RAPH1: variants seen among roughly 807,000 people sequenced by gnomAD.
RAPH1 encodes the protein ras-associated and pleckstrin homology domains-containing protein 1.
A neutral mutation model predicts 88.1 loss-of-function variants in RAPH1; 18 were observed. That is an observed-to-expected ratio of 0.20 (90% CI 0.14 to 0.30). The LOEUF (loss-of-function observed/expected upper bound fraction) is 0.30, where lower values mean the gene tolerates loss of function less well. Among genes scored for constraint, RAPH1 ranks in the 10% least tolerant of loss-of-function variants. The pLI, the probability that RAPH1 is intolerant of heterozygous loss-of-function variation, is 1.00. For synonymous variants in RAPH1, 587 were observed against 559.0 expected (o/e 1.05, Z -0.71); for missense variants, 1,448 against 1,543.2 (o/e 0.94, Z 1.03).
At chr2:203,507,633 A>G (rs904615909) in intron 1 of RAPH1, among the ~76,000 whole-genome samples, 1 of 152,210 alleles carries the variant, frequency 6.6e-6, no homozygotes, top group African/African-American at 2.4e-5. Flanking sequence ...ATTTTACAAA[A>G]TAATTGGCCA....
intron 1 of RAPH1, among the ~76,000 whole-genome samples, chr2:203,517,441 T>C (rs1689668504): frequency 6.9e-6 from 1 of 145,506 alleles, no homozygotes; most frequent in Non-Finnish European, 1.5e-5. Flanking sequence ...TACCTCTCTA[T>C]CAGAAATGGG....
chr2:203,435,165 TG>T lies in RAPH1; in HGVS notation c.*4271del, dbSNP rs1283071536. The T allele has an allele frequency of 2.0e-5, 3 of 152,286 alleles. No individual in the cohort carries two copies. In the East Asian group the frequency reaches 5.8e-4, roughly 29 times the overall value. The allele number at this position is 152,286 out of a possible 1,614,324, so 9.4% of individuals were successfully genotyped here. A position where few individuals can be genotyped will look rare whatever the true frequency, so the allele number is the denominator to read the frequency against. ...TCAGATTTCTTTTACATATAGACCT[TG>T]CAAGGGCACGGTAAGAACTGAGCAC... On this transcript the variant is annotated 3_prime_UTR_variant, in exon 14 of 14. Transcript: ENST00000319170.
Position 203,525,345 on chromosome 2 carries a change from C to CT in RAPH1, c.-1+9765_-1+9766insA, listed in dbSNP as rs377709700. On this transcript the variant is annotated intron_variant, in intron 1 of 13. Coordinates refer to ENST00000319170, the MANE Select transcript of RAPH1 (RefSeq NM_213589.3). The stretch of plus-strand genomic sequence containing the variant: ...GGATTACAGGCGCCCACCACCATGC[C>CT]AATTTTTGTATTTTTAGTAGAGATG... Among the ~76,000 whole-genome samples the CT allele has an allele frequency of 7.6e-4, 115 of 152,124 alleles. 1 individual carries two copies. The highest frequency in any genetic ancestry group is 3.4e-3 in the Middle Eastern group (1 of 294).
chr2:203,522,214 T>C (rs1216016851), intron 1 of RAPH1, among the ~76,000 whole-genome samples: 5 of 152,226 alleles, frequency 3.3e-5, no homozygotes, highest in African/African-American at 1.2e-4. Context: ...TTTCTAGCAT[T>C]GTCACATCAG....
Position 203,447,996 on chromosome 2 carries a change from G to A in RAPH1, c.1596C>T (p.Ser532=). ...AAGAACTGGATCCCGATTTAATGCT[G>A]GAGCTGGATAAGGAAGTCCAATCAT... ...SAYDWTSLSS[S]SIKSGSSSSS... Residue 532 remains serine (S), a synonymous_variant, in exon 12 of 14, where the codon TCC becomes TCT. Transcript: ENST00000319170. 13 of 1,613,922 alleles carry A rather than the reference G, an allele frequency of 8.1e-6. No individual in the cohort carries two copies. Among genetic ancestry groups the A allele is most frequent in the Non-Finnish European group, 1.1e-5 (13 of 1,179,884 alleles).
chr2:203,533,084 T>C (rs979922171), intron 1 of RAPH1, among the ~76,000 whole-genome samples: 1 of 152,084 alleles, frequency 6.6e-6, no homozygotes, highest in African/African-American at 2.4e-5. Context: ...TCAAAGACAA[T>C]GGTTAAAAAC....
At chr2:203,496,124 G>A (rs567691094) in intron 1 of RAPH1, among the ~76,000 whole-genome samples, 8 of 152,322 alleles carry the variant, frequency 5.3e-5, no homozygotes, top group African/African-American at 1.2e-4. Context: ...TTGGGAGGCC[G>A]AGGCGGGTGG....
intron 5 of RAPH1, 117 bp from the exon 6 acceptor site, chr2:203,461,525 A>T (rs1313357734): frequency 4.1e-6 from 3 of 736,274 alleles, no homozygotes; most frequent in Non-Finnish European, 6.0e-6. Context: ...TTAAAACACA[A>T]ATAATGACTT....
intron 1 of RAPH1, among the ~76,000 whole-genome samples, chr2:203,519,175 C>T (rs1041599481): frequency 6.6e-6 from 1 of 150,462 alleles, no homozygotes; most frequent in African/African-American, 2.5e-5. Flanking sequence ...AATACCAAAA[C>T]CAGAGAAAGA....
chr2:203,501,454 C>T (rs1029126157), intron 1 of RAPH1, among the ~76,000 whole-genome samples: 4 of 151,930 alleles, frequency 2.6e-5, no homozygotes, highest in African/African-American at 7.3e-5. Context: ...TTTAATAAAC[C>T]GTCTGGGAAG....
chr2:203,506,798 A>C lies in RAPH1; in HGVS notation c.1-11445T>G, dbSNP rs1192949253. Among the ~76,000 whole-genome samples the C allele has an allele frequency of 5.1e-4, 34 of 67,316 alleles. No homozygotes were observed. The South Asian group carries it at 9.4e-3, about 19-fold the overall frequency. 44.2% of individuals were successfully genotyped at this position (67,316 alleles called of 152,430 possible). Reference sequence around the variant, plus strand: ...TATATATCTAGATATATATATCTATATATATATCTATATCTATATATCTAT... The same window carrying C: ...TATATATCTAGATATATATATCTATCTATATATCTATATCTATATATCTAT... On this transcript the variant is annotated intron_variant, in intron 1 of 13. Transcript: ENST00000319170.
At chr2:203,534,456 G>T (rs1209887041) in intron 1 of RAPH1, among the ~76,000 whole-genome samples, 1 of 137,530 alleles carries the variant, frequency 7.3e-6, no homozygotes, top group Admixed American at 8.4e-5. Flanking sequence ...CTTTCAACCT[G>T]TCTTAACACG....
intron 1 of RAPH1, among the ~76,000 whole-genome samples, chr2:203,510,335 CAAAAA>C (rs33911103): frequency 5.3e-5 from 2 of 38,094 alleles, no homozygotes; most frequent in Admixed American, 4.2e-4. Context: ...AACTCCATCT[CAAAAA>C]AAAAAAAAAA....
intron 1 of RAPH1, among the ~76,000 whole-genome samples, chr2:203,516,438 T>C (rs1302914003): frequency 1.3e-5 from 2 of 152,262 alleles, no homozygotes; most frequent in Non-Finnish European, 2.9e-5. Flanking sequence ...ATCAACAGTC[T>C]AAATGTATCA....
chr2:203,443,783 C>G (rs1305309787), intron 13 of RAPH1: 1 of 152,070 alleles, frequency 6.6e-6, no homozygotes, highest in African/African-American at 2.4e-5. Context: ...AGTTCGAGAC[C>G]AGCCCAGGCA....
At chr2:203,456,292 A>G (rs1032801031) in intron 8 of RAPH1, among the ~76,000 whole-genome samples, 2 of 152,214 alleles carry the variant, frequency 1.3e-5, no homozygotes, top group African/African-American at 4.8e-5. Context: ...AGGGCAAACC[A>G]AGCGTTAGAC....
intron 4 of RAPH1, among the ~76,000 whole-genome samples, chr2:203,464,774 AAGAG>A (rs773868569): frequency 2.1e-4 from 32 of 150,828 alleles, no homozygotes; most frequent in African/African-American, 4.5e-4. Context: ...TATAAAAAAA[AAGAG>A]AGAGAGAGCT....
intron 1 of RAPH1, among the ~76,000 whole-genome samples, chr2:203,511,260 A>G (rs559997747): frequency 6.6e-6 from 1 of 151,556 alleles, no homozygotes; most frequent in Admixed American, 6.6e-5. Context: ...AGCTAAAGGT[A>G]CATTTCTTTA....
intron 4 of RAPH1, chr2:203,470,093 ATAAT>A: frequency 1.9e-6 from 1 of 530,266 alleles, no homozygotes; most frequent in Non-Finnish European, 3.3e-6. Context: ...AGATCAGTAA[ATAAT>A]TACCATCTGT....
Sources: allele counts gnomAD v4.1 joint callset (sites outside exome capture counted in the v4.1 genomes callset), GRCh38; gene constraint gnomAD v4.1.1; transcripts MANE v1.5; gene names NCBI Gene and HGNC (gene_info 2026-07-23, HGNC 2026-07-21).